ARAP1: variants seen among roughly 807,000 people sequenced by gnomAD.
ARAP1 encodes the protein arf-GAP with Rho-GAP domain, ANK repeat and PH domain-containing protein 1.
In ARAP1, 76 loss-of-function variants were observed where a neutral mutation model predicts 172.2. The ratio of observed to expected loss-of-function variants is 0.44; its 90% CI spans 0.37 to 0.53. The LOEUF (loss-of-function observed/expected upper bound fraction) is 0.53, where lower values mean the gene tolerates loss of function less well. ARAP1 is among the 20% of genes least tolerant of loss of function. ARAP1 has a pLI of 0.00. For synonymous variants in ARAP1, 804 were observed against 803.3 expected, an observed-to-expected ratio of 1.00 and a Z score of -0.01; for missense variants, 1,686 against 1,977.5, an observed-to-expected ratio of 0.85 and a Z score of 2.80.
intron 1 of ARAP1, among the ~76,000 whole-genome samples, chr11:72,750,686 ATGG>A (rs1858507739): frequency 6.6e-6 from 1 of 152,146 alleles, no homozygotes; most frequent in South Asian, 2.1e-4. Flanking sequence ...AGATGGGGAA[ATGG>A]AGGCTCTGAG....
At chr11:72,724,625 TA>T (rs1301120729) in intron 3 of ARAP1, among the ~76,000 whole-genome samples, 1 of 152,122 alleles carries the variant, frequency 6.6e-6, no homozygotes, top group African/African-American at 2.4e-5. Flanking sequence ...GAGTTTTTCC[TA>T]CCACAGGGCT....
chr11:72,711,094 C>A lies in ARAP1; in HGVS notation c.1140G>T (p.Val380=), dbSNP rs1388302194. The A allele has an allele frequency of 1.9e-6, 3 of 1,614,106 alleles. No homozygotes were observed. The highest frequency in any genetic ancestry group is 2.5e-6 in the Non-Finnish European group (3 of 1,180,058). The change falls in exon 9 of 35, where the codon GTG becomes GTT. Residue 380 remains valine (V), a synonymous_variant. Transcript: ENST00000393609. ...CAAACTTCTGGTCCCCGATGGCAGCCACGTGGGAGATGCAGGCCACAGAGA... is the reference window on the plus strand; with the variant it reads ...CAAACTTCTGGTCCCCGATGGCAGCAACGTGGGAGATGCAGGCCACAGAGA... ...RFISVACISH[V]AAIGDQKFEV...
chr11:72,685,682 C>CGT lies in ARAP1; in HGVS notation c.4336-2_4336-1insAC. The CGT allele has an allele frequency of 6.2e-7, 1 of 1,614,046 alleles. No homozygotes were observed. ...CCTGTGCTCAGACGTTGCGCAGAAGCTGCAGGAAGGCAAGAGACCCACAGG... is the reference window on the plus strand; with the variant it reads ...CCTGTGCTCAGACGTTGCGCAGAAGCGTTGCAGGAAGGCAAGAGACCCACAGG... On this transcript the variant is annotated splice_acceptor_variant, in intron 34 of 34. Transcript: ENST00000393609. LOFTEE classifies it high-confidence loss of function.
intron 1 of ARAP1, among the ~76,000 whole-genome samples, chr11:72,752,050 C>T (rs1408044025): frequency 6.6e-6 from 1 of 152,216 alleles, no homozygotes; most frequent in Non-Finnish European, 1.5e-5. Flanking sequence ...CCCCAAGGCG[C>T]CCGAGGGCGG....
chr11:72,745,426 G>C (rs1247972109), intron 1 of ARAP1, among the ~76,000 whole-genome samples: 2 of 137,472 alleles, frequency 1.5e-5, no homozygotes, highest in Non-Finnish European at 3.0e-5. Flanking sequence ...GGATGGTCTT[G>C]ATCTCCTGAC....
chr11:72,694,552 T>C (rs1856091109), intron 27 of ARAP1, among the ~76,000 whole-genome samples: 1 of 152,202 alleles, frequency 6.6e-6, no homozygotes, highest in East Asian at 1.9e-4. Context: ...GCATCTGTAG[T>C]TGAACATTTA....
intron 13 of ARAP1, chr11:72,704,868 C>G (rs1039023434): frequency 6.3e-6 from 1 of 158,656 alleles, no homozygotes; most frequent in African/African-American, 2.4e-5. Flanking sequence ...CCCACCTTGC[C>G]TCCTTGTCAG....
chr11:72,751,040 G>A (rs1254631227), intron 1 of ARAP1, among the ~76,000 whole-genome samples: 1 of 152,162 alleles, frequency 6.6e-6, no homozygotes, highest in East Asian at 1.9e-4. Flanking sequence ...CTGGGGTTGA[G>A]TAGGAGGCTT....
chr11:72,694,522 T>C (rs1856089130), intron 27 of ARAP1, among the ~76,000 whole-genome samples: 1 of 152,096 alleles, frequency 6.6e-6, no homozygotes, highest in African/African-American at 2.4e-5. Context: ...GCCAAGGGTC[T>C]TTCCTCCACA....
At chr11:72,711,924 T>C (rs1857031028) in intron 7 of ARAP1, among the ~76,000 whole-genome samples, 1 of 152,138 alleles carries the variant, frequency 6.6e-6, no homozygotes, top group East Asian at 1.9e-4. Context: ...CTCAAACTCC[T>C]GGCCTCAAGC....
rs756669348 is a variant in ARAP1 at position 72,693,359 on chromosome 11, T to C, written c.3920A>G (p.Asn1307Ser). The C allele has an allele frequency of 1.2e-6, 2 of 1,613,780 alleles. No individual in the cohort carries two copies. The highest frequency in any genetic ancestry group is 1.1e-5 in the South Asian group (1 of 91,072). ...CTTGTAGAGCCGCAAGCAGCTGCTG[T>C]TGAGGATGAAGTAGCGATCGTGGAA... ...GGFHDRYFIL[N>S]SSCLRLYKEV... Residue 1307 changes from asparagine to serine, a missense_variant, in exon 29 of 35, where the codon AAC becomes AGC. Asn to Ser is a conservative substitution (Grantham distance 46). Around this residue, in one of 5 missense-constraint regions of ARAP1, gnomAD observed 379 missense variants for 500.1 expected, o/e 0.76. Coordinates refer to ENST00000393609, the MANE Select transcript of ARAP1 (RefSeq NM_001040118.3). This position sits in a 1 kb window ranked among gnomAD's most constrained non-coding sequence, Gnocchi z 4.6.
rs140877998 is a variant in ARAP1 at position 72,701,722 on chromosome 11, G to A, written c.2229C>T (p.Thr743=). ...TGTAGAGGAAGCCACTGTGGCTCAC[G>A]GTCGGCAGGACAACTGAGTAGTGCT... The part of the protein sequence containing the change: ...LEKHYSVVLP[T]VSHSGFLYKT... Residue 743 remains threonine (T), a synonymous_variant, in exon 16 of 35, where the codon ACC becomes ACT. Coordinates refer to ENST00000393609, the MANE Select transcript of ARAP1 (RefSeq NM_001040118.3). The A allele has an allele frequency of 2.0e-4, 318 of 1,613,988 alleles. 2 individuals are homozygous for A. The African/African-American group carries it at 3.5e-3, about 18-fold the overall frequency.
At position 72,692,620 on chromosome 11, in the gene ARAP1, GC is replaced by G. The variant is rs561470238; in HGVS notation, c.3987+132del. On this transcript the variant is annotated intron_variant, in intron 30 of 34. Coordinates refer to ENST00000393609, the MANE Select transcript of ARAP1 (RefSeq NM_001040118.3). ...CTTAGGCCCCAGGATAGGGGCCAGT[GC>G]CAACGGGCAAGGGGGCAGGGATCCA... 178 of 1,206,738 alleles carry G rather than the reference GC, an allele frequency of 1.5e-4. No homozygotes were observed. In the African/African-American group the frequency reaches 2.5e-3, roughly 17 times the overall value. The allele number at this position is 1,206,738 out of a possible 1,614,324, so 74.8% of individuals were successfully genotyped here.
rs753489643 is a variant in ARAP1 at position 72,695,712 on chromosome 11, A to G, written c.3420+6T>C. 1 of 1,614,162 alleles carries G rather than the reference A, an allele frequency of 6.2e-7. No homozygotes were observed. Among genetic ancestry groups the G allele is most frequent in the Non-Finnish European group, 8.5e-7 (1 of 1,180,000 alleles). ...GCCCTCCACTGCCCACTGGCCAGGG[A>G]CGCACACTAAACACCACCACATAGT... is the stretch of plus-strand genomic sequence containing the variant. On this transcript the variant is annotated splice_donor_region_variant and intron_variant, in intron 24 of 34. Transcript: ENST00000393609. This position sits in a 1 kb window ranked among gnomAD's most constrained non-coding sequence, Gnocchi z 4.4.
chr11:72,708,200 T>C (rs1856851071), intron 11 of ARAP1: 1 of 152,132 alleles, frequency 6.6e-6, no homozygotes, highest in Non-Finnish European at 1.5e-5. Context: ...AAGGCATCGC[T>C]GCTGGAGGTG....
chr11:72,728,876 C>T (rs1386247513), intron 2 of ARAP1, among the ~76,000 whole-genome samples: 2 of 152,098 alleles, frequency 1.3e-5, no homozygotes, highest in Non-Finnish European at 2.9e-5. Flanking sequence ...TATAAATGTA[C>T]ACAATCCAAT....
chr11:72,694,395 T>C, intron 27 of ARAP1, among the ~76,000 whole-genome samples: 1 of 151,572 alleles, frequency 6.6e-6, no homozygotes, highest in Admixed American at 6.6e-5. Flanking sequence ...CACCACCCCC[T>C]CACTGCCCTC....
At position 72,725,773 on chromosome 11, in the gene ARAP1, G is replaced by A. The variant is rs2135571164; in HGVS notation, c.509+847C>T. Reference sequence around the variant, plus strand: ...GGAGACCATAGAAACACAGAGCCCAGCAGAGTGCCCAGCAATAAACAAACA... The same window carrying A: ...GGAGACCATAGAAACACAGAGCCCAACAGAGTGCCCAGCAATAAACAAACA... On this transcript the variant is annotated intron_variant, in intron 3 of 34. Coordinates refer to ENST00000393609, the MANE Select transcript of ARAP1 (RefSeq NM_001040118.3). The surrounding 1 kb of genome is among the most constrained non-coding windows in gnomAD (Gnocchi z 4.3). 6.6e-6 allele frequency among the ~76,000 whole-genome samples: 1 copy of A among 152,142 alleles called. No individual in the cohort carries two copies. Among genetic ancestry groups the A allele is most frequent in the East Asian group, 1.9e-4 (1 of 5,186 alleles).
At chr11:72,686,220 T>C in intron 33 of ARAP1, 29 bp from the exon 34 acceptor site, 1 of 1,597,904 alleles carries the variant, frequency 6.3e-7, no homozygotes, top group Admixed American at 1.7e-5. Flanking sequence ...GGGGCTGGGC[T>C]CAGCTTCAGT....
Sources: allele counts gnomAD v4.1 joint callset (sites outside exome capture counted in the v4.1 genomes callset), GRCh38; gene constraint gnomAD v4.1.1; regional missense constraint gnomAD v4.1.1; non-coding constraint Gnocchi (gnomAD v3.1); transcripts MANE v1.5; gene names NCBI Gene and HGNC (gene_info 2026-07-23, HGNC 2026-07-21).